The following HERC3 variants were observed in gnomAD, a reference collection of about 807,000 sequenced individuals.
HERC3 encodes probable E3 ubiquitin-protein ligase HERC3.
In HERC3, 58 loss-of-function variants were observed where a neutral mutation model predicts 129.9. The ratio of observed to expected loss-of-function variants is 0.45; its 90% CI spans 0.36 to 0.56. The LOEUF (loss-of-function observed/expected upper bound fraction) is 0.56, where lower values mean the gene tolerates loss of function less well. Ranked by LOEUF, HERC3 falls within the 20% of genes least tolerant of loss-of-function variation. HERC3 has a pLI of 0.00. For synonymous variants in HERC3, 430 were observed against 451.0 expected (o/e 0.95, Z 0.59); for missense variants, 835 against 1,244.2 (o/e 0.67, Z 4.95).
intron 5 of HERC3, 42 bp from the exon 6 acceptor site, chr4:88,652,827 T>G: frequency 6.4e-7 from 1 of 1,564,810 alleles, no homozygotes; most frequent in Non-Finnish European, 8.7e-7. Flanking sequence ...TGTGTGGAGC[T>G]TGTATCATTT....
the HERC3 span, among the ~76,000 whole-genome samples, chr4:88,548,956 C>A: frequency 1.3e-5 from 2 of 152,082 alleles, no homozygotes; most frequent in African/African-American, 2.4e-5. Context: ...CCACTGCGCC[C>A]GGCCCATCTT....
At chr4:88,610,507 G>C (rs1348964573) in intron 3 of HERC3, among the ~76,000 whole-genome samples, 4 of 151,862 alleles carry the variant, frequency 2.6e-5, no homozygotes, top group Non-Finnish European at 5.9e-5. Flanking sequence ...AGCCTAGTAG[G>C]TTTCAGTCTC....
At chr4:88,550,312 G>C in the HERC3 span, among the ~76,000 whole-genome samples, 1 of 152,090 alleles carries the variant, frequency 6.6e-6, no homozygotes, top group South Asian at 2.1e-4. Context: ...GGAAATAAAG[G>C]GTATTCAATT....
chr4:88,674,247 G>C (rs776192035), intron 16 of HERC3, among the ~76,000 whole-genome samples: 3 of 152,064 alleles, frequency 2.0e-5, no homozygotes, highest in African/African-American at 4.8e-5. Flanking sequence ...GGAAGAGGGT[G>C]GGGGGAGAGA....
chr4:88,614,088 C>T (rs1724648121), intron 3 of HERC3, among the ~76,000 whole-genome samples: 2 of 152,096 alleles, frequency 1.3e-5, no homozygotes, highest in South Asian at 2.1e-4. Flanking sequence ...TGCAGTATTA[C>T]TTTTAAGTAA....
intron 3 of HERC3, among the ~76,000 whole-genome samples, chr4:88,638,359 C>G (rs998849978): frequency 3.1e-4 from 47 of 152,172 alleles, no homozygotes; most frequent in African/African-American, 1.1e-3. Flanking sequence ...TACTGGCAAA[C>G]CAAATCCAGC....
chr4:88,618,913 G>A lies in HERC3; in HGVS notation c.226+12864G>A, dbSNP rs77708225. Among the ~76,000 whole-genome samples, 1,151 of 152,280 alleles carry A rather than the reference G, an allele frequency of 7.6e-3. 14 individuals carry two copies. The highest frequency in any genetic ancestry group is 0.026 in the African/African-American group (1,092 of 41,544). On this transcript the variant is annotated intron_variant, in intron 3 of 25. Transcript: ENST00000402738. ...TTAAATGAACCATCAGCTTTGGCAG[G>A]CCACACCTGTTCCAGCCAAACAGAG...
At chr4:88,656,624 A>G (rs1729929621) in intron 9 of HERC3, 1 of 152,600 alleles carries the variant, frequency 6.6e-6, no homozygotes, top group Non-Finnish European at 1.5e-5. Flanking sequence ...GATTACTGCA[A>G]TTCAACATGA....
chr4:88,537,782 A>G, the HERC3 span, among the ~76,000 whole-genome samples: 1 of 152,210 alleles, frequency 6.6e-6, no homozygotes, highest in African/African-American at 2.4e-5. Context: ...TAGCTGCAAA[A>G]TTATTTATAA....
intron 18 of HERC3, among the ~76,000 whole-genome samples, chr4:88,677,305 T>C (rs1310647378): frequency 6.6e-6 from 1 of 152,164 alleles, no homozygotes; most frequent in Admixed American, 6.5e-5. Context: ...ATTTACTTAA[T>C]AATTTATTTT....
chr4:88,570,512 C>T, the HERC3 span, among the ~76,000 whole-genome samples: 1 of 152,110 alleles, frequency 6.6e-6, no homozygotes. Flanking sequence ...TTTCAATGAT[C>T]CCAAAATCAG....
At chr4:88,528,579 A>G in the HERC3 span, among the ~76,000 whole-genome samples, 3 of 152,078 alleles carry the variant, frequency 2.0e-5, no homozygotes, top group Non-Finnish European at 4.4e-5. Flanking sequence ...CAAGCAAGAG[A>G]CAAGCTGAAG....
Position 88,602,540 on chromosome 4 carries a change from C to A in HERC3, c.-29-3255C>A, listed in dbSNP as rs151224078. On this transcript the variant is annotated intron_variant, in intron 2 of 25. Transcript: ENST00000402738. ...TTACCCAGGCTGGAGTGCAGCAGTG[C>A]GATCACAGCTCACTGAAACCTTGAC... Among the ~76,000 whole-genome samples the A allele has an allele frequency of 8.6e-4, 131 of 151,986 alleles. 2 individuals carry two copies. In the East Asian group the frequency reaches 0.02, roughly 23 times the overall value.
At chr4:88,588,705 A>G (rs1721590172), upstream of HERC3, among the ~76,000 whole-genome samples, 1 of 152,270 alleles carries the variant, frequency 6.6e-6, no homozygotes, top group South Asian at 2.1e-4. Context: ...TAAATTAAAC[A>G]AAGGGAAGAA....
chr4:88,680,435 T>G (rs75371974), intron 20 of HERC3, among the ~76,000 whole-genome samples, 199 bp downstream of exon 20: 1 of 152,370 alleles, frequency 6.6e-6, no homozygotes, highest in East Asian at 1.9e-4. Flanking sequence ...TTTGTGAGCC[T>G]TCAGTCCCAT....
chr4:88,644,077 G>T (rs1336032920), intron 3 of HERC3, among the ~76,000 whole-genome samples: 1 of 152,138 alleles, frequency 6.6e-6, no homozygotes, highest in Non-Finnish European at 1.5e-5. Flanking sequence ...AAACCGTAAT[G>T]AAATACCATT....
At chr4:88,635,011 C>G (rs2924351) in intron 3 of HERC3, among the ~76,000 whole-genome samples, 3 of 151,960 alleles carry the variant, frequency 2.0e-5, no homozygotes, top group African/African-American at 4.8e-5. Flanking sequence ...TTAGCAGGCT[C>G]AAAGATCGAA....
intron 3 of HERC3, among the ~76,000 whole-genome samples, chr4:88,641,032 C>T (rs1728036956): frequency 6.6e-6 from 1 of 152,026 alleles, no homozygotes. Flanking sequence ...AGAACATTCA[C>T]CAAGATAGAC....
At chr4:88,671,496 A>C (rs1331905010) in intron 16 of HERC3, among the ~76,000 whole-genome samples, 3 of 152,108 alleles carry the variant, frequency 2.0e-5, no homozygotes, top group African/African-American at 7.2e-5. Context: ...TTTATTTTTA[A>C]ATAAGATTTT....
Sources: gnomAD v4.1 joint callset for allele counts (sites outside exome capture counted in the v4.1 genomes callset) on GRCh38, gnomAD v4.1.1 for gene constraint, MANE v1.5 for transcripts, NCBI Gene and HGNC (gene_info 2026-07-23, HGNC 2026-07-21) for gene names.